Variants in LPP observed in about 807,000 individuals in gnomAD.
The protein encoded by LPP is lipoma-preferred partner.
A neutral mutation model predicts 60.4 loss-of-function variants in LPP; 38 were observed. The observed-to-expected ratio is 0.63, with a 90% CI of 0.49 to 0.83. LPP has a LOEUF of 0.83. LPP is among the 40% of genes least tolerant of loss of function. LPP has a pLI of 0.00. For missense variants in LPP, 902 were observed against 783.6 expected (o/e 1.15, Z -1.80); for synonymous variants, 328 against 290.8 (o/e 1.13, Z -1.30).
At chr3:188,334,422 CTTTTTTTTT>C (rs71167095) in intron 2 of LPP, among the ~76,000 whole-genome samples, 4 of 98,676 alleles carry the variant, frequency 4.1e-5, no homozygotes, top group South Asian at 3.5e-4. Context: ...ATATTTCTTT[CTTTTTTTTT>C]TTTTTTTTTT....
At chr3:188,556,474 T>C (rs1381766430) in intron 6 of LPP, among the ~76,000 whole-genome samples, 1 of 152,110 alleles carries the variant, frequency 6.6e-6, no homozygotes, top group Non-Finnish European at 1.5e-5. Context: ...TTAGCTCTAG[T>C]GATTAAGAAT....
intron 7 of LPP, among the ~76,000 whole-genome samples, chr3:188,640,464 C>A (rs368821040): frequency 6.7e-5 from 10 of 148,196 alleles, no homozygotes; most frequent in Admixed American, 3.4e-4. Flanking sequence ...CACATGTATA[C>A]GTATGTAAGT....
chr3:188,756,431 G>T (rs1560162272), intron 8 of LPP, among the ~76,000 whole-genome samples: 2 of 152,138 alleles, frequency 1.3e-5, no homozygotes, highest in Non-Finnish European at 2.9e-5. Context: ...CTGATGCCTT[G>T]AAGTTTGGTA....
At chr3:188,491,641 T>C (rs1382041865) in intron 5 of LPP, among the ~76,000 whole-genome samples, 1 of 152,130 alleles carries the variant, frequency 6.6e-6, no homozygotes, top group East Asian at 1.9e-4. Context: ...CATATGTAGG[T>C]CATTGTGTGT....
At chr3:188,652,091 C>T (rs1214243986) in intron 7 of LPP, among the ~76,000 whole-genome samples, 2 of 152,166 alleles carry the variant, frequency 1.3e-5, no homozygotes, top group Admixed American at 6.5e-5. Context: ...TGGCCTAAGT[C>T]TACAGGTATT....
chr3:188,663,031 T>G (rs1185386076), intron 7 of LPP, among the ~76,000 whole-genome samples: 2 of 152,224 alleles, frequency 1.3e-5, no homozygotes, highest in Non-Finnish European at 1.5e-5. Flanking sequence ...TGCATCTAAT[T>G]GACAAACTGT....
intron 2 of LPP, among the ~76,000 whole-genome samples, chr3:188,326,528 C>T (rs980566085): frequency 6.6e-6 from 1 of 152,158 alleles, no homozygotes; most frequent in Non-Finnish European, 1.5e-5. Flanking sequence ...CGTTTCTATA[C>T]ATTATTCTGG....
chr3:188,623,945 G>A (rs746469498), intron 7 of LPP, among the ~76,000 whole-genome samples: 1 of 152,016 alleles, frequency 6.6e-6, no homozygotes, highest in South Asian at 2.1e-4. Context: ...TGAATCAACC[G>A]GCAAGGCGAG....
At chr3:188,708,997 G>C (rs1210741469) in intron 8 of LPP, 2 of 152,138 alleles carry the variant, frequency 1.3e-5, no homozygotes, top group African/African-American at 4.8e-5. Context: ...CTGGTCTAAA[G>C]ATTCAAGTAA....
At chr3:188,645,685 T>C (rs2148884020) in intron 7 of LPP, among the ~76,000 whole-genome samples, 1 of 152,252 alleles carries the variant, frequency 6.6e-6, no homozygotes, top group African/African-American at 2.4e-5. Context: ...ACTGAGCCCT[T>C]CTTTTCTTGT....
intron 5 of LPP, 101 bp from the exon 6 acceptor site, chr3:188,524,564 G>GAA (rs1479794382): frequency 3.9e-6 from 5 of 1,283,268 alleles, no homozygotes; most frequent in African/African-American, 1.5e-5. Context: ...AAGAGGTGCA[G>GAA]AAAAACTTGG....
intron 2 of LPP, among the ~76,000 whole-genome samples, chr3:188,279,071 C>T (rs552771555): frequency 6.6e-6 from 1 of 152,284 alleles, no homozygotes; most frequent in Admixed American, 6.5e-5. Context: ...GATCTGGGTT[C>T]AGGACTCTGA....
intron 9 of LPP, among the ~76,000 whole-genome samples, chr3:188,821,610 C>T (rs887298209): frequency 4.0e-5 from 6 of 151,830 alleles, no homozygotes; most frequent in African/African-American, 1.5e-4. Flanking sequence ...AATATATGTG[C>T]ATATATAGTG....
intron 1 of LPP, among the ~76,000 whole-genome samples, chr3:188,206,573 CT>C (rs1208228504): frequency 6.6e-6 from 1 of 152,132 alleles, no homozygotes; most frequent in Non-Finnish European, 1.5e-5. Context: ...CAAATATAAA[CT>C]TTTGTCAACT....
At chr3:188,176,283 C>T (rs1723013052) in intron 1 of LPP, among the ~76,000 whole-genome samples, 1 of 152,046 alleles carries the variant, frequency 6.6e-6, no homozygotes, top group African/African-American at 2.4e-5. Flanking sequence ...TCTAGTTCAA[C>T]TTCTGGGATT....
chr3:188,314,535 G>A (rs1292611862), intron 2 of LPP, among the ~76,000 whole-genome samples: 2 of 151,956 alleles, frequency 1.3e-5, no homozygotes, highest in Non-Finnish European at 2.9e-5. Context: ...CTAGATCCTA[G>A]AGATCATTAA....
chr3:188,652,129 G>T (rs1449084263), intron 7 of LPP, among the ~76,000 whole-genome samples: 1 of 152,144 alleles, frequency 6.6e-6, no homozygotes. Context: ...GACATGAAAT[G>T]CAAGAGAAAA....
At chr3:188,433,385 C>T (rs927465926) in intron 4 of LPP, among the ~76,000 whole-genome samples, 1 of 151,966 alleles carries the variant, frequency 6.6e-6, no homozygotes, top group Admixed American at 6.6e-5. Flanking sequence ...TGAACCATGT[C>T]AGGATGTTGT....
At chr3:188,592,635 C>T (rs1444031338) in intron 6 of LPP, among the ~76,000 whole-genome samples, 6 of 142,306 alleles carry the variant, frequency 4.2e-5, no homozygotes, top group Non-Finnish European at 7.5e-5. Flanking sequence ...ACCTCCACCT[C>T]TCGGGTTCAA....
Sources: gnomAD v4.1 joint callset for allele counts (sites outside exome capture counted in the v4.1 genomes callset) on GRCh38, gnomAD v4.1.1 for gene constraint, MANE v1.5 for transcripts, NCBI Gene and HGNC (gene_info 2026-07-23, HGNC 2026-07-21) for gene names.